Variants in DNAJC5 observed in about 807,000 individuals in gnomAD.
The protein encoded by DNAJC5 is DnaJ heat shock protein family (Hsp40) member C5.
DNAJC5 carries 1 observed loss-of-function variant against 23.2 expected under a neutral mutation model. The ratio of observed to expected loss-of-function variants is 0.04; its 90% CI spans 0.02 to 0.20. The LOEUF (loss-of-function observed/expected upper bound fraction) is 0.20, where lower values mean the gene tolerates loss of function less well. DNAJC5 is among the 10% of genes least tolerant of loss of function. The probability of loss-of-function intolerance (pLI) is 1.00; values close to 1 mark genes in which losing one functional copy is unlikely to be tolerated. For missense variants in DNAJC5, 180 were observed against 267.0 expected, an observed-to-expected ratio of 0.67 and a Z score of 2.27; for synonymous variants, 136 against 120.0, an observed-to-expected ratio of 1.13 and a Z score of -0.87.
In DNAJC5 at chr20:63,920,301, C is replaced by A. The variant is rs998682674; in HGVS notation, c.-11-8034C>A. 1.3e-5 allele frequency among the ~76,000 whole-genome samples: 2 copies of A among 152,230 alleles called. No homozygotes were observed. Among genetic ancestry groups the A allele is most frequent in the African/African-American group, 4.8e-5 (2 of 41,468 alleles). On this transcript the variant is annotated intron_variant, in intron 1 of 4. Coordinates refer to ENST00000360864, the MANE Select transcript of DNAJC5 (RefSeq NM_025219.3). The surrounding 1 kb of genome is among the most constrained non-coding windows in gnomAD (Gnocchi z 4.6). ...GTGCGTCAGGGGCTGACGTGGGACC[C>A]GGCACTCTGTGCTCTGTGTCTGCCC... is the stretch of plus-strand genomic sequence containing the variant.
At chr20:63,917,119 C>G (rs1215462508) in intron 1 of DNAJC5, among the ~76,000 whole-genome samples, 1 of 152,198 alleles carries the variant, frequency 6.6e-6, no homozygotes, top group African/African-American at 2.4e-5. Flanking sequence ...AAGAAATTAT[C>G]AAAGTATTAT....
intron 1 of DNAJC5, among the ~76,000 whole-genome samples, chr20:63,923,999 C>T: frequency 6.6e-6 from 1 of 152,094 alleles, no homozygotes; most frequent in East Asian, 1.9e-4. Context: ...CCTTCTGTGC[C>T]TTTCAGTATG....
In DNAJC5 at chr20:63,901,092, G is replaced by A. The variant is rs760023772; in HGVS notation, c.-12+5769G>A. On this transcript the variant is annotated intron_variant, in intron 1 of 4. Coordinates refer to ENST00000360864, the MANE Select transcript of DNAJC5 (RefSeq NM_025219.3). ...TGATTCTTCTGCCTCAGCCTCTTGA[G>A]TAACTGGAATTACAGGCGTGTGCCA... is the stretch of plus-strand genomic sequence containing the variant. Among the ~76,000 whole-genome samples, 6 of 152,208 alleles carry A rather than the reference G, an allele frequency of 3.9e-5. No individual in the cohort carries two copies. The East Asian group carries it at 9.6e-4, about 24-fold the overall frequency.
At chr20:63,897,092 G>A (rs563654041) in intron 1 of DNAJC5, among the ~76,000 whole-genome samples, 40 of 152,216 alleles carry the variant, frequency 2.6e-4, no homozygotes, top group South Asian at 1.0e-3. Context: ...AAGTTAAAAC[G>A]TTTCTAAAAA....
Position 63,934,369 on chromosome 20 carries a change from T to A in DNAJC5, c.*2801T>A. 1 of 152,264 alleles carries A rather than the reference T, an allele frequency of 6.6e-6. No individual in the cohort carries two copies. Among genetic ancestry groups the A allele is most frequent in the East Asian group, 1.9e-4 (1 of 5,192 alleles). 9.4% of individuals were successfully genotyped at this position (152,264 alleles called of 1,614,324 possible). ...CAGTGACGGGACCCCGACTCCTCAC[T>A]CTCGGGCCGCAGACAATGCTGTGAG... is the stretch of plus-strand genomic sequence containing the variant. On this transcript the variant is annotated 3_prime_UTR_variant, in exon 5 of 5. Coordinates refer to ENST00000360864, the MANE Select transcript of DNAJC5 (RefSeq NM_025219.3).
rs987705498 is a variant in DNAJC5 at position 63,933,362 on chromosome 20, C to G, written c.*1794C>G. The G allele has an allele frequency of 1.3e-5, 2 of 152,286 alleles. No individual in the cohort carries two copies. Among genetic ancestry groups the G allele is most frequent in the African/African-American group, 4.8e-5 (2 of 41,420 alleles). 9.4% of individuals were successfully genotyped at this position (152,286 alleles called of 1,614,324 possible). A position where few individuals can be genotyped will look rare whatever the true frequency, so the allele number is the denominator to read the frequency against. ...AGGAACAGGGTGCTGGTTGAGGGCC[C>G]CCAGCTGACCCCTACTGCAGATCCG... On this transcript the variant is annotated 3_prime_UTR_variant, in exon 5 of 5. Coordinates refer to ENST00000360864, the MANE Select transcript of DNAJC5 (RefSeq NM_025219.3).
chr20:63,924,737 C>A (rs1276985916), intron 1 of DNAJC5, among the ~76,000 whole-genome samples: 17 of 152,072 alleles, frequency 1.1e-4, no homozygotes, highest in Non-Finnish European at 1.5e-5. Flanking sequence ...TAGTCCCGTG[C>A]CTGCGGCATG....
intron 1 of DNAJC5, among the ~76,000 whole-genome samples, chr20:63,924,291 C>T (rs759046247): frequency 1.3e-5 from 2 of 152,128 alleles, no homozygotes; most frequent in South Asian, 2.1e-4. Context: ...TTCTTTATAT[C>T]GAGGCTTCTA....
At chr20:63,923,210 C>T (rs1568985888) in intron 1 of DNAJC5, among the ~76,000 whole-genome samples, 1 of 151,630 alleles carries the variant, frequency 6.6e-6, no homozygotes, top group African/African-American at 2.4e-5. Flanking sequence ...AATCCTGGCA[C>T]TTTGGGAGGC....
intron 1 of DNAJC5, among the ~76,000 whole-genome samples, chr20:63,898,961 G>T (rs1031511067): frequency 5.3e-5 from 8 of 152,192 alleles, no homozygotes; most frequent in Admixed American, 3.3e-4. Flanking sequence ...TCTTCTGTCA[G>T]ACACACCTCC....
intron 1 of DNAJC5, among the ~76,000 whole-genome samples, chr20:63,907,875 C>T (rs940468651): frequency 3.3e-5 from 5 of 152,176 alleles, no homozygotes; most frequent in African/African-American, 1.2e-4. Flanking sequence ...AAGTGATTCT[C>T]CTGTCTCAGC....
rs2053679530 is a variant in DNAJC5, at chr20:63,932,250, C to T, written c.*682C>T. Reference sequence around the variant, plus strand: ...TTGGTGTGGAAAGCATAGGAGGCCCCTTCCGAGGTTGACACCGTGTCCTCC... The same window carrying T: ...TTGGTGTGGAAAGCATAGGAGGCCCTTTCCGAGGTTGACACCGTGTCCTCC... On this transcript the variant is annotated 3_prime_UTR_variant, in exon 5 of 5. Coordinates refer to ENST00000360864, the MANE Select transcript of DNAJC5 (RefSeq NM_025219.3). This position sits in a 1 kb window ranked among gnomAD's most constrained non-coding sequence, Gnocchi z 4.4. The T allele has an allele frequency of 1.3e-5, 2 of 154,554 alleles. No individual in the cohort carries two copies. Among genetic ancestry groups the T allele is most frequent in the African/African-American group, 4.8e-5 (2 of 41,300 alleles). The allele number at this position is 154,554 out of a possible 1,614,324, so 9.6% of individuals were successfully genotyped here.
chr20:63,931,327 CGTGTGGG>C lies in DNAJC5; in HGVS notation c.494-134_494-128del, dbSNP rs2053668508. The stretch of plus-strand genomic sequence containing the variant: ...GTGACCCAAGGCGACGGAGGAAAGC[CGTGTGGG>C]GTGGAGGTCAGCGAGTAGCCTCTCC... On this transcript the variant is annotated intron_variant, in intron 4 of 4. Transcript: ENST00000360864. The surrounding 1 kb of genome is among the most constrained non-coding windows in gnomAD (Gnocchi z 9.6). 1.2e-5 allele frequency: 11 copies of C among 922,590 alleles called. No homozygotes were observed. In the South Asian group the frequency reaches 1.6e-4, roughly 13 times the overall value. 57.2% of individuals were successfully genotyped at this position (922,590 alleles called of 1,614,324 possible).
At chr20:63,905,324 C>T (rs2053440955) in intron 1 of DNAJC5, among the ~76,000 whole-genome samples, 1 of 152,046 alleles carries the variant, frequency 6.6e-6, no homozygotes, top group African/African-American at 2.4e-5. Context: ...CCATGTTGGC[C>T]AGGCCGATCT....
intron 1 of DNAJC5, among the ~76,000 whole-genome samples, chr20:63,912,050 C>A (rs1052819431): frequency 6.6e-6 from 1 of 152,084 alleles, no homozygotes; most frequent in African/African-American, 2.4e-5. Context: ...TATCTGTAAT[C>A]CCATCACTTT....
chr20:63,906,699 T>C (rs926561969), intron 1 of DNAJC5, among the ~76,000 whole-genome samples: 2 of 151,952 alleles, frequency 1.3e-5, no homozygotes, highest in Non-Finnish European at 2.9e-5. Flanking sequence ...GGCAGGAGAA[T>C]GGCGTGAACC....
At chr20:63,925,825 G>GTTTTTTT (rs376376541) in intron 1 of DNAJC5, among the ~76,000 whole-genome samples, 1 of 123,972 alleles carries the variant, frequency 8.1e-6, no homozygotes. Flanking sequence ...ATTTTATCTG[G>GTTTTTTT]TTTTTTTTTT....
At chr20:63,912,624 G>A (rs1175938587) in intron 1 of DNAJC5, among the ~76,000 whole-genome samples, 3 of 152,042 alleles carry the variant, frequency 2.0e-5, no homozygotes, top group Admixed American at 6.6e-5. Context: ...TTTTTGAGAC[G>A]GAGTCTCGCT....
At chr20:63,907,483 A>C (rs576588993) in intron 1 of DNAJC5, among the ~76,000 whole-genome samples, 1 of 152,160 alleles carries the variant, frequency 6.6e-6, no homozygotes, top group Non-Finnish European at 1.5e-5. Context: ...GGAGATCGAC[A>C]TGGGGAGGTG....
Sources: gnomAD v4.1 joint callset for allele counts (sites outside exome capture counted in the v4.1 genomes callset) on GRCh38, gnomAD v4.1.1 for gene constraint, Gnocchi (gnomAD v3.1) non-coding constraint, MANE v1.5 for transcripts, NCBI Gene and HGNC (gene_info 2026-07-23, HGNC 2026-07-21) for gene names.